KALRN: variants seen among roughly 807,000 people sequenced by gnomAD.
KALRN encodes kalirin RhoGEF kinase, also known as kalirin.
A neutral mutation model predicts 353.7 loss-of-function variants in KALRN; 70 were observed. The observed-to-expected ratio is 0.20, with a 90% CI of 0.16 to 0.24. KALRN has a LOEUF of 0.24. Among genes scored for constraint, KALRN ranks in the 10% least tolerant of loss-of-function variants. KALRN has a pLI of 1.00. For synonymous variants in KALRN, 1,391 were observed against 1,434.8 expected (o/e 0.97, Z 0.69); for missense variants, 2,791 against 3,756.7 (o/e 0.74, Z 6.72).
chr3:124,697,670 T>C lies in KALRN; in HGVS notation c.7777T>C (p.Ser2593Pro). Residue 2593 changes from serine (S) to proline (P), a missense_variant, in exon 55 of 60, where the codon TCC becomes CCC. Physicochemically the swap from Ser to Pro is moderately conservative, Grantham distance 74. This residue lies in a region of KALRN where 1,065 missense variants were observed against 1,156.4 expected (regional missense o/e 0.92). Transcript: ENST00000682506. ...CGTGATTCTCCGCTGGCTGCCCCCCTCCAGCACAGGAAACTGCACTATTTC... is the reference window on the plus strand; with the variant it reads ...CGTGATTCTCCGCTGGCTGCCCCCCCCCAGCACAGGAAACTGCACTATTTC... The part of the protein sequence containing the change: ...TSVILRWLPP[S>P]STGNCTISGY... The C allele has an allele frequency of 6.2e-7, 1 of 1,605,094 alleles. No homozygotes were observed. The highest frequency in any genetic ancestry group is 8.5e-7 in the Non-Finnish European group (1 of 1,175,598).
intron 53 of KALRN, among the ~76,000 whole-genome samples, chr3:124,695,207 C>A (rs1345464999): frequency 2.0e-5 from 3 of 151,984 alleles, no homozygotes; most frequent in Admixed American, 6.6e-5. Flanking sequence ...TTTAACAAAA[C>A]TTAGCTGACT....
chr3:124,126,734 T>C (rs1052312364), intron 1 of KALRN, among the ~76,000 whole-genome samples: 1 of 152,232 alleles, frequency 6.6e-6, no homozygotes. Context: ...TGGTCCAAGC[T>C]CTGCTGTACC....
At chr3:124,401,888 G>A (rs142299560) in intron 13 of KALRN, among the ~76,000 whole-genome samples, 1 of 152,180 alleles carries the variant, frequency 6.6e-6, no homozygotes, top group African/African-American at 2.4e-5. Context: ...GTCTCACTGT[G>A]GGGATGAAGA....
At chr3:124,118,731 T>C (rs933313974) in intron 1 of KALRN, among the ~76,000 whole-genome samples, 4 of 152,254 alleles carry the variant, frequency 2.6e-5, no homozygotes, top group African/African-American at 9.6e-5. Flanking sequence ...GATGTCTTAC[T>C]TGAACATTTA....
chr3:124,420,060 T>C (rs980730069), intron 14 of KALRN, among the ~76,000 whole-genome samples: 2 of 152,212 alleles, frequency 1.3e-5, no homozygotes, highest in African/African-American at 4.8e-5. Context: ...TTCATGTTCC[T>C]CCCATTTATT....
chr3:124,413,391 G>C (rs1449750716), intron 13 of KALRN, 79 bp from the exon 14 acceptor site: 3 of 1,199,132 alleles, frequency 2.5e-6, no homozygotes, highest in Non-Finnish European at 3.6e-6. Flanking sequence ...CATGAATAAG[G>C]CTTGGAATTG....
intron 34 of KALRN, among the ~76,000 whole-genome samples, chr3:124,589,819 T>C (rs955200337): frequency 2.6e-5 from 4 of 152,306 alleles, no homozygotes; most frequent in African/African-American, 4.8e-5. Flanking sequence ...GTCGGCCTTA[T>C]TGAATCTTCA....
At position 124,061,585 on chromosome 3, in the gene KALRN, A is replaced by AT. The variant is rs1315439074; in HGVS notation, c.73+27777dup. 6.6e-5 allele frequency among the ~76,000 whole-genome samples: 10 copies of AT among 152,158 alleles called. No homozygotes were observed. In the South Asian group the frequency reaches 1.4e-3, roughly 22 times the overall value. Reference sequence around the variant, plus strand: ...CATGTATTTCTAGACAAGGACATTTATTTTTAATTTGAAAGCTTCCTTCAA... The same window carrying AT: ...CATGTATTTCTAGACAAGGACATTTATTTTTTAATTTGAAAGCTTCCTTCAA... On this transcript the variant is annotated intron_variant, in intron 1 of 59. Coordinates refer to ENST00000682506, the MANE Select transcript of KALRN (RefSeq NM_001388419.1).
chr3:124,492,074 C>T (rs1387856362), intron 31 of KALRN, among the ~76,000 whole-genome samples: 1 of 152,098 alleles, frequency 6.6e-6, no homozygotes, highest in Non-Finnish European at 1.5e-5. Context: ...CAGTCATTTG[C>T]TTGTCAGGAA....
intron 33 of KALRN, among the ~76,000 whole-genome samples, chr3:124,560,577 G>T (rs1035863778): frequency 6.6e-6 from 1 of 152,210 alleles, no homozygotes; most frequent in Non-Finnish European, 1.5e-5. Context: ...AATATGAAGT[G>T]TATTTCTTAC....
chr3:124,717,461 C>T lies in KALRN; in HGVS notation c.8415+76C>T, dbSNP rs61432569. On this transcript the variant is annotated intron_variant, in intron 59 of 59. Transcript: ENST00000682506. ...CAGCACTTTGGGAGGCCAAGGTGGG[C>T]GGATCACAAGGTCAGGAGATCGAGA... 3.0e-3 allele frequency: 3,103 copies of T among 1,028,184 alleles called. 61 individuals carry two copies. In the African/African-American group the frequency reaches 0.043, roughly 14 times the overall value. 63.7% of individuals were successfully genotyped at this position (1,028,184 alleles called of 1,614,324 possible).
chr3:124,477,769 C>T (rs767723640), intron 27 of KALRN, among the ~76,000 whole-genome samples: 1 of 152,112 alleles, frequency 6.6e-6, no homozygotes, highest in African/African-American at 2.4e-5. Context: ...TTAAGGAGGC[C>T]TCTGGGTAAC....
intron 9 of KALRN, among the ~76,000 whole-genome samples, chr3:124,336,829 G>T (rs759166561): frequency 1.9e-4 from 29 of 152,110 alleles, no homozygotes; most frequent in Non-Finnish European, 4.0e-4. Context: ...GCAGTGGTTT[G>T]TAGTTCTCCT....
intron 25 of KALRN, among the ~76,000 whole-genome samples, chr3:124,471,777 C>T (rs143997315): frequency 0.027 from 4,030 of 151,912 alleles, 157 homozygotes; most frequent in African/African-American, 0.091. Flanking sequence ...TCCTGGCTAA[C>T]ATGGTGAAAC....
At chr3:124,141,793 T>G (rs1294975320) in intron 1 of KALRN, among the ~76,000 whole-genome samples, 1 of 152,206 alleles carries the variant, frequency 6.6e-6, no homozygotes, top group African/African-American at 2.4e-5. Flanking sequence ...TTTTTCAGCC[T>G]GTCAGTATCT....
chr3:124,182,644 G>A (rs1417629681), intron 1 of KALRN, among the ~76,000 whole-genome samples: 1 of 152,188 alleles, frequency 6.6e-6, no homozygotes, highest in Non-Finnish European at 1.5e-5. Flanking sequence ...CAAGGAGAGA[G>A]GATCATTGGG....
intron 10 of KALRN, among the ~76,000 whole-genome samples, chr3:124,380,734 G>C (rs887339701): frequency 1.3e-5 from 2 of 152,100 alleles, no homozygotes; most frequent in Non-Finnish European, 2.9e-5. Flanking sequence ...CCAATTTGGG[G>C]GTATTGACAA....
At chr3:124,642,806 G>GTTTTTTTTTTGTTGTTGTTGTTTTTTTTT (rs1553707031) in intron 37 of KALRN, among the ~76,000 whole-genome samples, 4 of 96,840 alleles carry the variant, frequency 4.1e-5, no homozygotes, top group African/African-American at 1.8e-4. Context: ...CCCAAGCCTC[G>GTTTTTTTTTTGTTGTTGTTGTTTTTTTTT]TTTTTTTTTT....
chr3:124,658,304 A>G (rs1432931869), intron 41 of KALRN, 127 bp from the exon 42 acceptor site: 2 of 732,198 alleles, frequency 2.7e-6, no homozygotes, highest in African/African-American at 1.7e-5. Context: ...CTTGATATTC[A>G]GCTGCCTTGG....
Sources: allele counts gnomAD v4.1 joint callset (sites outside exome capture counted in the v4.1 genomes callset), GRCh38; gene constraint gnomAD v4.1.1; regional missense constraint gnomAD v4.1.1; transcripts MANE v1.5; gene names NCBI Gene and HGNC (gene_info 2026-07-23, HGNC 2026-07-21).